The following FSTL5 variants were observed in gnomAD, a reference collection of about 807,000 sequenced individuals.
The protein encoded by FSTL5 is follistatin-related protein 5.
A neutral mutation model predicts 89.1 loss-of-function variants in FSTL5; 62 were observed. The ratio of observed to expected loss-of-function variants is 0.70; its 90% CI spans 0.57 to 0.86. FSTL5 has a LOEUF of 0.86. Ranked by LOEUF, FSTL5 falls within the 40% of genes least tolerant of loss-of-function variation. The pLI is 0.00. For synonymous variants in FSTL5, 383 were observed against 346.2 expected (o/e 1.11, Z -1.18); for missense variants, 1,057 against 1,001.6 (o/e 1.06, Z -0.75).
At chr4:161,855,440 C>T (rs1012238878) in intron 4 of FSTL5, among the ~76,000 whole-genome samples, 2 of 151,926 alleles carry the variant, frequency 1.3e-5, no homozygotes, top group Non-Finnish European at 2.9e-5. Context: ...TGTTTGCAAT[C>T]AGAATACTAA....
At chr4:161,817,598 TTTA>T (rs1260763218) in intron 4 of FSTL5, among the ~76,000 whole-genome samples, 1 of 152,240 alleles carries the variant, frequency 6.6e-6, no homozygotes, top group Non-Finnish European at 1.5e-5. Flanking sequence ...TCTTAGCAGT[TTTA>T]TTTTTTCTTG....
At chr4:161,833,019 G>A (rs1241184248) in intron 4 of FSTL5, among the ~76,000 whole-genome samples, 1 of 150,402 alleles carries the variant, frequency 6.6e-6, no homozygotes, top group Non-Finnish European at 1.5e-5. Flanking sequence ...TGGGCATTTA[G>A]TGCTATAAAT....
rs1730546056 is a variant in FSTL5, at chr4:161,384,553, T to G, written c.*1194A>C. Reference sequence around the variant, plus strand: ...TTAGGTTTCAAACTACAGCACATAGTGAGAAGATGCTTTTAGGATTACAAG... The same window carrying G: ...TTAGGTTTCAAACTACAGCACATAGGGAGAAGATGCTTTTAGGATTACAAG... On this transcript the variant is annotated 3_prime_UTR_variant, in exon 16 of 16. Coordinates refer to ENST00000306100, the MANE Select transcript of FSTL5 (RefSeq NM_020116.5). 6.6e-6 allele frequency: 1 copy of G among 152,136 alleles called. No homozygotes were observed. The highest frequency in any genetic ancestry group is 1.9e-4 in the East Asian group (1 of 5,200). The allele number at this position is 152,136 out of a possible 1,614,324, so 9.4% of individuals were successfully genotyped here. A position where few individuals can be genotyped will look rare whatever the true frequency, so the allele number is the denominator to read the frequency against.
chr4:161,604,495 C>T (rs1485622616), intron 7 of FSTL5, among the ~76,000 whole-genome samples: 2 of 152,022 alleles, frequency 1.3e-5, no homozygotes, highest in Non-Finnish European at 2.9e-5. Context: ...AACAGATATA[C>T]AGCAAACCAC....
chr4:161,426,487 T>C (rs530426145), intron 15 of FSTL5, among the ~76,000 whole-genome samples: 2 of 152,342 alleles, frequency 1.3e-5, no homozygotes, highest in South Asian at 2.1e-4. Flanking sequence ...TGTAAGCAGA[T>C]AGCAGATAGG....
chr4:161,502,208 T>C (rs1177686222), intron 11 of FSTL5, among the ~76,000 whole-genome samples: 1 of 151,970 alleles, frequency 6.6e-6, no homozygotes, highest in South Asian at 2.1e-4. Context: ...TTTATTAGGT[T>C]GTTTTACCAT....
intron 3 of FSTL5, among the ~76,000 whole-genome samples, chr4:161,975,297 T>G (rs528525068): frequency 1.3e-5 from 2 of 151,402 alleles, no homozygotes; most frequent in East Asian, 3.9e-4. Flanking sequence ...TAAAGACACA[T>G]GCACACATAT....
chr4:161,916,295 T>C (rs542577602), intron 4 of FSTL5, among the ~76,000 whole-genome samples: 14 of 152,156 alleles, frequency 9.2e-5, no homozygotes, highest in Non-Finnish European at 1.9e-4. Context: ...TCCCTTTTCA[T>C]TTTGGCATAG....
At position 162,051,613 on chromosome 4, in the gene FSTL5, A is replaced by C. The variant is rs189874539; in HGVS notation, c.127-17955T>G. Among the ~76,000 whole-genome samples the C allele has an allele frequency of 2.3e-3, 352 of 151,612 alleles. 2 individuals are homozygous for C. Among genetic ancestry groups the C allele is most frequent in the African/African-American group, 7.7e-3 (319 of 41,510 alleles). On this transcript the variant is annotated intron_variant, in intron 2 of 15. Transcript: ENST00000306100. ...CCATAAAGACAGCTTCATAAAAAAC[A>C]ATTGGAGAAATTATACATATAATTT... is the stretch of plus-strand genomic sequence containing the variant.
intron 8 of FSTL5, among the ~76,000 whole-genome samples, chr4:161,581,867 C>T (rs1578943601): frequency 6.6e-6 from 1 of 152,118 alleles, no homozygotes; most frequent in African/African-American, 2.4e-5. Flanking sequence ...GCTTTCTGCC[C>T]AGAGGGGCGT....
At chr4:161,844,582 T>C (rs918458269) in intron 4 of FSTL5, among the ~76,000 whole-genome samples, 4 of 152,110 alleles carry the variant, frequency 2.6e-5, no homozygotes, top group Admixed American at 2.6e-4. Context: ...ATGTGGTACA[T>C]ATACACCATG....
At chr4:161,421,181 A>C (rs1731978343) in intron 15 of FSTL5, among the ~76,000 whole-genome samples, 1 of 152,074 alleles carries the variant, frequency 6.6e-6, no homozygotes, top group South Asian at 2.1e-4. Flanking sequence ...TCTACTAAAA[A>C]TACAAAAACA....
At chr4:161,891,846 A>G (rs1189209013) in intron 4 of FSTL5, among the ~76,000 whole-genome samples, 1 of 152,172 alleles carries the variant, frequency 6.6e-6, no homozygotes, top group South Asian at 2.1e-4. Flanking sequence ...AATGCTCATC[A>G]AGAAGAAAAC....
At chr4:162,152,113 GC>G (rs1561047836) in intron 1 of FSTL5, among the ~76,000 whole-genome samples, 1 of 152,148 alleles carries the variant, frequency 6.6e-6, no homozygotes. Flanking sequence ...CAGAATGAAA[GC>G]CCTTCGACTT....
chr4:161,764,255 A>G (rs887054644), intron 5 of FSTL5, among the ~76,000 whole-genome samples: 4 of 152,110 alleles, frequency 2.6e-5, no homozygotes, highest in African/African-American at 9.7e-5. Context: ...CAAGAGATGT[A>G]TTTTTGTTGT....
intron 3 of FSTL5, among the ~76,000 whole-genome samples, chr4:161,996,310 G>A (rs1312411172): frequency 6.6e-6 from 1 of 152,164 alleles, no homozygotes; most frequent in Non-Finnish European, 1.5e-5. Context: ...ACTCTGCTCT[G>A]GCAGAACTTG....
intron 6 of FSTL5, among the ~76,000 whole-genome samples, chr4:161,663,478 A>G (rs1359703000): frequency 6.6e-6 from 1 of 152,118 alleles, no homozygotes; most frequent in Non-Finnish European, 1.5e-5. Flanking sequence ...TCACATTTTA[A>G]AGCTCCAAAA....
chr4:161,779,316 G>T (rs1009693623), intron 4 of FSTL5, among the ~76,000 whole-genome samples: 3 of 152,068 alleles, frequency 2.0e-5, no homozygotes, highest in African/African-American at 7.2e-5. Context: ...CTATAAATAT[G>T]TACAATATGT....
intron 6 of FSTL5, among the ~76,000 whole-genome samples, chr4:161,755,326 A>G (rs1429565993): frequency 6.6e-6 from 1 of 152,078 alleles, no homozygotes; most frequent in Non-Finnish European, 1.5e-5. Flanking sequence ...GGTATTTTTG[A>G]AAAACACATT....
Sources: gnomAD v4.1 joint callset for allele counts (sites outside exome capture counted in the v4.1 genomes callset) on GRCh38, gnomAD v4.1.1 for gene constraint, MANE v1.5 for transcripts, NCBI Gene and HGNC (gene_info 2026-07-23, HGNC 2026-07-21) for gene names.